CDYL2: variants seen among roughly 807,000 people sequenced by gnomAD.
CDYL2 encodes chromodomain Y-like protein 2.
Under a neutral mutation model 49.4 loss-of-function variants are expected in CDYL2, and 23 were observed. The observed-to-expected ratio is 0.47, with a 90% confidence interval of 0.34 to 0.66. The LOEUF is 0.66. CDYL2 is among the 30% of genes least tolerant of loss of function. The probability of loss-of-function intolerance (pLI) is 0.01; values close to 1 mark genes in which losing one functional copy is unlikely to be tolerated. For synonymous variants in CDYL2, 360 were observed against 268.8 expected (o/e 1.34, Z -3.32); for missense variants, 678 against 656.4 (o/e 1.03, Z -0.36).
At chr16:80,709,997 G>C (rs564173094) in intron 1 of CDYL2, among the ~76,000 whole-genome samples, 99 of 151,086 alleles carry the variant, frequency 6.6e-4, no homozygotes, top group African/African-American at 2.2e-3. Context: ...GTGCTATCTC[G>C]GCTCACTGCA....
chr16:80,600,944 A>C lies in CDYL2; in HGVS notation c.*3444T>G, dbSNP rs1292474717. 6.6e-6 allele frequency: 1 copy of C among 152,212 alleles called. No homozygotes were observed. The highest frequency in any genetic ancestry group is 1.5e-5 in the Non-Finnish European group (1 of 68,044). 9.4% of individuals were successfully genotyped at this position (152,212 alleles called of 1,614,324 possible). On this transcript the variant is annotated 3_prime_UTR_variant, in exon 7 of 7. Transcript: ENST00000570137. ...TTTCCATCCTTGTACTAAACTTCAC[A>C]TGGGAAAAACATTTTCATGCTTCAG... is the stretch of plus-strand genomic sequence containing the variant.
intron 2 of CDYL2, among the ~76,000 whole-genome samples, chr16:80,655,277 C>A (rs1037559435): frequency 1.3e-5 from 2 of 152,200 alleles, no homozygotes; most frequent in South Asian, 2.1e-4. Flanking sequence ...TTGGAGCCAG[C>A]CATCTCCTCA....
At chr16:80,731,641 T>C (rs1905329914) in intron 1 of CDYL2, among the ~76,000 whole-genome samples, 1 of 152,120 alleles carries the variant, frequency 6.6e-6, no homozygotes, top group African/African-American at 2.4e-5. Flanking sequence ...TCAGAATGGC[T>C]TCAGATTTCT....
intron 1 of CDYL2, among the ~76,000 whole-genome samples, chr16:80,724,431 T>G (rs1241482945): frequency 6.6e-6 from 1 of 152,098 alleles, no homozygotes; most frequent in African/African-American, 2.4e-5. Flanking sequence ...AGGTTCTCTC[T>G]CTCAAAGAAA....
At chr16:80,626,575 A>G (rs1907313876) in intron 3 of CDYL2, among the ~76,000 whole-genome samples, 1 of 152,192 alleles carries the variant, frequency 6.6e-6, no homozygotes, top group African/African-American at 2.4e-5. Flanking sequence ...GGAGGAGGAT[A>G]AAATAAAGAA....
chr16:80,790,030 A>T (rs747986502), intron 1 of CDYL2, among the ~76,000 whole-genome samples: 4 of 152,236 alleles, frequency 2.6e-5, no homozygotes, highest in Non-Finnish European at 4.4e-5. Flanking sequence ...ACAAACTAGC[A>T]CATGTACCCC....
At chr16:80,641,168 C>T (rs765918446) in intron 2 of CDYL2, among the ~76,000 whole-genome samples, 1 of 152,036 alleles carries the variant, frequency 6.6e-6, no homozygotes, top group Admixed American at 6.6e-5. Context: ...TAGTCAAACT[C>T]CCAAAGCTCA....
chr16:80,665,882 G>C lies in CDYL2; in HGVS notation c.616+18656C>G, dbSNP rs942542758. Among the ~76,000 whole-genome samples, 3 of 152,220 alleles carry C rather than the reference G, an allele frequency of 2.0e-5. No individual in the cohort carries two copies. In the East Asian group the frequency reaches 5.8e-4, roughly 29 times the overall value. ...CCCATTCTTTGTGATGTGGCAACAGGCACCCAGGGGCTGTCCCTCTTGATT... is the reference window on the plus strand; with the variant it reads ...CCCATTCTTTGTGATGTGGCAACAGCCACCCAGGGGCTGTCCCTCTTGATT... On this transcript the variant is annotated intron_variant, in intron 2 of 6. Coordinates refer to ENST00000570137, the MANE Select transcript of CDYL2 (RefSeq NM_152342.4).
intron 4 of CDYL2, among the ~76,000 whole-genome samples, chr16:80,613,223 G>A (rs1274411791): frequency 6.6e-6 from 1 of 152,054 alleles, no homozygotes; most frequent in East Asian, 1.9e-4. Context: ...AGAACCACAG[G>A]GAAGGTGTAA....
rs376458798 is a variant in CDYL2 at position 80,667,514 on chromosome 16, C to T, written c.616+17024G>A. Among the ~76,000 whole-genome samples the T allele has an allele frequency of 2.6e-5, 4 of 152,310 alleles. No homozygotes were observed. In the East Asian group the frequency reaches 5.8e-4, roughly 22 times the overall value. Reference sequence around the variant, plus strand: ...GTAATTCCTTCCCCTAAGCTGGCTTCGGTGCCCTTACCTATGGCCCCACAA... The same window carrying T: ...GTAATTCCTTCCCCTAAGCTGGCTTTGGTGCCCTTACCTATGGCCCCACAA... On this transcript the variant is annotated intron_variant, in intron 2 of 6. Transcript: ENST00000570137.
chr16:80,633,544 T>C (rs1907671653), intron 2 of CDYL2, among the ~76,000 whole-genome samples: 1 of 152,200 alleles, frequency 6.6e-6, no homozygotes, highest in South Asian at 2.1e-4. Context: ...CTGACCACCC[T>C]GAGAGGCAGC....
chr16:80,749,912 AG>A (rs1212158334), intron 1 of CDYL2, among the ~76,000 whole-genome samples: 2 of 152,202 alleles, frequency 1.3e-5, no homozygotes, highest in Non-Finnish European at 2.9e-5. Context: ...AACCATTAAA[AG>A]GATGAGTTCA....
intron 1 of CDYL2, among the ~76,000 whole-genome samples, chr16:80,716,073 T>A (rs1435767345): frequency 1.3e-5 from 2 of 152,226 alleles, no homozygotes; most frequent in East Asian, 3.9e-4. Context: ...ATTATAAGGA[T>A]GAAAAGTCAG....
At chr16:80,629,849 G>T (rs1245323582) in intron 3 of CDYL2, among the ~76,000 whole-genome samples, 1 of 152,172 alleles carries the variant, frequency 6.6e-6, no homozygotes, top group Non-Finnish European at 1.5e-5. Flanking sequence ...ACATTAAATG[G>T]CCTCTGCTTC....
intron 1 of CDYL2, among the ~76,000 whole-genome samples, chr16:80,763,023 T>C (rs890964893): frequency 6.6e-6 from 1 of 152,104 alleles, no homozygotes; most frequent in Non-Finnish European, 1.5e-5. Context: ...GACAGAAACA[T>C]TGTGACCAGA....
intron 2 of CDYL2, among the ~76,000 whole-genome samples, chr16:80,638,495 T>C (rs904266108): frequency 6.6e-6 from 1 of 152,156 alleles, no homozygotes; most frequent in African/African-American, 2.4e-5. Flanking sequence ...TAAACTTTAT[T>C]TGGGAAGGCA....
At chr16:80,632,914 C>G in intron 3 of CDYL2, 105 bp downstream of exon 3, 1 of 1,132,458 alleles carries the variant, frequency 8.8e-7, no homozygotes, top group Non-Finnish European at 1.3e-6. Flanking sequence ...ACGCTAGTTA[C>G]CATCCTCAGC....
At chr16:80,611,683 CA>C (rs1405040709) in intron 5 of CDYL2, among the ~76,000 whole-genome samples, 1 of 152,216 alleles carries the variant, frequency 6.6e-6, no homozygotes, top group Non-Finnish European at 1.5e-5. Flanking sequence ...TGCCTTTAGA[CA>C]ACTCACTAAA....
At position 80,721,676 on chromosome 16, in the gene CDYL2, T is replaced by C. The variant is rs1399155360; in HGVS notation, c.25-36547A>G. Reference sequence around the variant, plus strand: ...ACAGTTTCCCATTTTATCATCTCTGTAATCAGGATTGAAATCAAGCATGCC... The same window carrying C: ...ACAGTTTCCCATTTTATCATCTCTGCAATCAGGATTGAAATCAAGCATGCC... On this transcript the variant is annotated intron_variant, in intron 1 of 6. Transcript: ENST00000570137. Among the ~76,000 whole-genome samples, 4 of 152,332 alleles carry C rather than the reference T, an allele frequency of 2.6e-5. No homozygotes were observed. In the East Asian group the frequency reaches 7.7e-4, roughly 29 times the overall value.
Sources: gnomAD v4.1 joint callset for allele counts (sites outside exome capture counted in the v4.1 genomes callset) on GRCh38, gnomAD v4.1.1 for gene constraint, MANE v1.5 for transcripts, NCBI Gene and HGNC (gene_info 2026-07-23, HGNC 2026-07-21) for gene names.